The following PTPRT variants were observed in gnomAD, a reference collection of about 807,000 sequenced individuals.
PTPRT encodes receptor-type tyrosine-protein phosphatase T.
A neutral mutation model predicts 176.8 loss-of-function variants in PTPRT; 56 were observed. The ratio of observed to expected loss-of-function variants is 0.32; its 90% confidence interval spans 0.26 to 0.40. The LOEUF (loss-of-function observed/expected upper bound fraction) is 0.40. Among genes scored for constraint, PTPRT ranks in the 10% least tolerant of loss-of-function variants. The pLI is 1.00. For synonymous variants in PTPRT, 783 were observed against 739.0 expected (o/e 1.06, Z -0.96); for missense variants, 1,540 against 1,908.2 (o/e 0.81, Z 3.60).
intron 7 of PTPRT, among the ~76,000 whole-genome samples, chr20:42,478,511 G>A (rs532423258): frequency 6.6e-6 from 1 of 152,140 alleles, no homozygotes; most frequent in East Asian, 1.9e-4. Flanking sequence ...AAATGCCCCT[G>A]AGTCATTTTC....
intron 14 of PTPRT, among the ~76,000 whole-genome samples, chr20:42,247,358 G>A (rs1023118113): frequency 6.6e-6 from 1 of 152,170 alleles, no homozygotes; most frequent in Non-Finnish European, 1.5e-5. Flanking sequence ...ATGTGTAGTG[G>A]GGACCCTAGT....
rs369230837 is a variant in PTPRT at position 42,791,317 on chromosome 20, C to G, written c.364G>C (p.Val122Leu). Residue 122 changes from valine to leucine, a missense_variant, in exon 3 of 31, where the codon GTC (valine) becomes CTC (leucine). Physicochemically the swap from Val to Leu is conservative, Grantham distance 32 (BLOSUM62 1). Coordinates refer to ENST00000373187, the MANE Select transcript of PTPRT (RefSeq NM_007050.6). The stretch of plus-strand genomic sequence containing the variant: ...GGGCCACCATTCACCTTCACGTAGA[C>G]GTTCAAGGCCCCTGGGCTGGACCTG... The part of the protein sequence containing the change: ...RDRSSPGALN[V>L]YVKVNGGPQG... 6.2e-7 allele frequency: 1 copy of G among 1,614,196 alleles called. No homozygotes were observed. Among genetic ancestry groups the G allele is most frequent in the Non-Finnish European group, 8.5e-7 (1 of 1,180,026 alleles).
intron 17 of PTPRT, among the ~76,000 whole-genome samples, chr20:42,152,563 T>C (rs1048756504): frequency 1.3e-5 from 2 of 152,224 alleles, no homozygotes; most frequent in African/African-American, 4.8e-5. Context: ...AAGTTCTCCT[T>C]TAGGTGACAA....
At chr20:42,992,568 G>A (rs1983977927) in intron 1 of PTPRT, among the ~76,000 whole-genome samples, 1 of 152,206 alleles carries the variant, frequency 6.6e-6, no homozygotes, top group African/African-American at 2.4e-5. Flanking sequence ...AAAACTCTTA[G>A]TGTTTTAATG....
At chr20:42,238,582 C>T (rs957704122) in intron 14 of PTPRT, among the ~76,000 whole-genome samples, 1 of 152,174 alleles carries the variant, frequency 6.6e-6, no homozygotes, top group Non-Finnish European at 1.5e-5. Context: ...AACTCAGGGT[C>T]CATTTGATGA....
intron 2 of PTPRT, among the ~76,000 whole-genome samples, chr20:42,803,608 C>G (rs937923373): frequency 2.0e-5 from 3 of 152,172 alleles, no homozygotes; most frequent in Non-Finnish European, 2.9e-5. Flanking sequence ...GGATGGAGTA[C>G]AGTGGCATGA....
At chr20:42,340,996 G>A (rs373451956) in intron 11 of PTPRT, among the ~76,000 whole-genome samples, 1 of 151,740 alleles carries the variant, frequency 6.6e-6, no homozygotes, top group African/African-American at 2.4e-5. Flanking sequence ...GTCTGGCCTC[G>A]TGTTCCTTGC....
chr20:42,438,548 G>C (rs1236429527), intron 9 of PTPRT, among the ~76,000 whole-genome samples: 3 of 152,150 alleles, frequency 2.0e-5, no homozygotes, highest in Non-Finnish European at 4.4e-5. Context: ...AAGGATGAAA[G>C]CTTCACACAG....
intron 7 of PTPRT, among the ~76,000 whole-genome samples, chr20:42,642,409 T>C (rs6102968): frequency 0.11 from 17,446 of 152,178 alleles, 3,323 homozygotes; most frequent in African/African-American, 0.39. Flanking sequence ...CAGTGACTTA[T>C]TTGTTAAATG....
chr20:42,086,753 AAT>A lies in PTPRT; in HGVS notation c.3847-902_3847-901del, dbSNP rs1555858329. ...AAAAAAAAAAAAAAAAAAAAAAAAA[AAT>A]ATATATATATATGGGTTTGACCTCA... On this transcript the variant is annotated intron_variant, in intron 27 of 30. Coordinates refer to ENST00000373187, the MANE Select transcript of PTPRT (RefSeq NM_007050.6). Among the ~76,000 whole-genome samples, 7 of 95,542 alleles carry A rather than the reference AAT, an allele frequency of 7.3e-5. 1 individual carries two copies. Among genetic ancestry groups the A allele is most frequent in the African/African-American group, 2.9e-4 (6 of 20,418 alleles). 62.7% of individuals were successfully genotyped at this position (95,542 alleles called of 152,430 possible). A position where few individuals can be genotyped will look rare whatever the true frequency, so the allele number is the denominator to read the frequency against.
intron 1 of PTPRT, among the ~76,000 whole-genome samples, chr20:43,103,750 G>GTAATAATAATAATAATAATAATAATAA (rs3092031): frequency 6.2e-5 from 9 of 146,080 alleles, no homozygotes; most frequent in African/African-American, 2.3e-4. Flanking sequence ...GGGGAGATCA[G>GTAATAATAATAATAATAATAATAATAA]TAATAATAAT....
chr20:43,038,216 G>A (rs1986462741), intron 1 of PTPRT, among the ~76,000 whole-genome samples: 3 of 150,592 alleles, frequency 2.0e-5, no homozygotes, highest in African/African-American at 2.4e-5. Flanking sequence ...AATAAAATAC[G>A]AATTACAAAC....
At chr20:43,026,905 C>A (rs1025917643) in intron 1 of PTPRT, among the ~76,000 whole-genome samples, 1 of 152,178 alleles carries the variant, frequency 6.6e-6, no homozygotes, top group Non-Finnish European at 1.5e-5. Flanking sequence ...GATGGTATCT[C>A]ATTCTTTTTT....
At chr20:42,183,998 G>C (rs1360161748) in intron 16 of PTPRT, among the ~76,000 whole-genome samples, 1 of 152,110 alleles carries the variant, frequency 6.6e-6, no homozygotes. Context: ...AGATGTTACA[G>C]TCATTTTAGC....
At chr20:42,662,136 C>T (rs2075234823) in intron 7 of PTPRT, among the ~76,000 whole-genome samples, 1 of 152,160 alleles carries the variant, frequency 6.6e-6, no homozygotes, top group African/African-American at 2.4e-5. Flanking sequence ...AGCATACTGT[C>T]CTCTTAATAT....
At chr20:42,324,868 A>T (rs2057859156) in intron 11 of PTPRT, among the ~76,000 whole-genome samples, 1 of 152,176 alleles carries the variant, frequency 6.6e-6, no homozygotes, top group South Asian at 2.1e-4. Flanking sequence ...GGAGACAAGA[A>T]AATGGGAGGA....
chr20:42,745,761 G>A (rs970912440), intron 6 of PTPRT, among the ~76,000 whole-genome samples: 84 of 152,170 alleles, frequency 5.5e-4, no homozygotes, highest in Non-Finnish European at 4.9e-4. Flanking sequence ...ATTAGCATAA[G>A]GAGGGTCAGA....
chr20:42,870,854 C>G (rs899784816), intron 2 of PTPRT, among the ~76,000 whole-genome samples: 1 of 151,820 alleles, frequency 6.6e-6, no homozygotes, highest in Non-Finnish European at 1.5e-5. Context: ...TTTTGTTTGT[C>G]TTTTTATAGT....
chr20:42,118,545 G>A, intron 20 of PTPRT, 45 bp from the exon 21 acceptor site: 1 of 1,529,768 alleles, frequency 6.5e-7, no homozygotes, highest in Non-Finnish European at 8.9e-7. Flanking sequence ...CAAGTGCAAA[G>A]CAGCAGCTGA....
Sources: gnomAD v4.1 joint callset for allele counts (sites outside exome capture counted in the v4.1 genomes callset) on GRCh38, gnomAD v4.1.1 for gene constraint, MANE v1.5 for transcripts, NCBI Gene and HGNC (gene_info 2026-07-23, HGNC 2026-07-21) for gene names.